Variants in ANKRD36C observed in about 807,000 individuals in gnomAD.
ANKRD36C encodes the protein ankyrin repeat domain-containing protein 36C.
Under a neutral mutation model 276.4 loss-of-function variants are expected in ANKRD36C, and 61 were observed. The observed-to-expected ratio is 0.22, with a 90% confidence interval of 0.18 to 0.27. ANKRD36C has a LOEUF of 0.27. Among genes scored for constraint, ANKRD36C ranks in the 10% least tolerant of loss-of-function variants. The pLI is 1.00. For synonymous variants in ANKRD36C, 483 were observed against 680.1 expected (o/e 0.71, Z 4.51); for missense variants, 1,447 against 2,032.3 (o/e 0.71, Z 5.54).
intron 26 of ANKRD36C, 87 bp downstream of exon 26, chr2:95,928,985 G>A (rs1676772536): frequency 6.3e-7 from 1 of 1,579,708 alleles, no homozygotes; most frequent in African/African-American, 1.4e-5. Context: ...ATGCAGCTTA[G>A]ACGAACTCCC....
intron 42 of ANKRD36C, among the ~76,000 whole-genome samples, chr2:95,907,971 A>C (rs961027464): frequency 6.7e-6 from 1 of 150,152 alleles, no homozygotes; most frequent in Non-Finnish European, 1.5e-5. Flanking sequence ...AAGTGAGTTC[A>C]CTCAGGTTTT....
chr2:95,991,496 T>C lies in ANKRD36C; in HGVS notation c.197+16A>G. On this transcript the variant is annotated intron_variant, in intron 1 of 66. Coordinates refer to ENST00000456556, the Ensembl canonical transcript of ANKRD36C. ...ACAGGCCTCCTCCCGCAGCCCCGGCTCCCGGCCCCCATTACCTTTCCTTCC... is the reference window on the plus strand; with the variant it reads ...ACAGGCCTCCTCCCGCAGCCCCGGCCCCCGGCCCCCATTACCTTTCCTTCC... The C allele has an allele frequency of 6.4e-7, 1 of 1,572,638 alleles. No homozygotes were observed. The highest frequency in any genetic ancestry group is 8.6e-7 in the Non-Finnish European group (1 of 1,158,958).
chr2:95,962,730 G>A (rs961237669), intron 6 of ANKRD36C, among the ~76,000 whole-genome samples, 183 bp from the exon 7 acceptor site: 7 of 152,102 alleles, frequency 4.6e-5, no homozygotes, highest in Admixed American at 2.6e-4. Flanking sequence ...CACCAATACA[G>A]GCTTCATGAA....
At chr2:95,922,166 C>G (rs1677290425) in intron 32 of ANKRD36C, among the ~76,000 whole-genome samples, 1 of 151,584 alleles carries the variant, frequency 6.6e-6, no homozygotes, top group South Asian at 2.1e-4. Context: ...GGCACATGCA[C>G]CCACTTGTCT....
intron 1 of ANKRD36C, among the ~76,000 whole-genome samples, chr2:95,990,902 C>T (rs546159585): frequency 2.6e-5 from 4 of 152,098 alleles, no homozygotes; most frequent in Non-Finnish European, 5.9e-5. Flanking sequence ...AAAAATAAAA[C>T]GCTGTACATG....
intron 59 of ANKRD36C, among the ~76,000 whole-genome samples, chr2:95,875,733 A>G (rs1675935801): frequency 6.6e-6 from 1 of 152,232 alleles, no homozygotes. Context: ...TGCAAATTAA[A>G]CATTGTAATA....
chr2:95,974,969 C>A (rs1678776466), intron 6 of ANKRD36C, among the ~76,000 whole-genome samples: 1 of 151,956 alleles, frequency 6.6e-6, no homozygotes, highest in African/African-American at 2.4e-5. Flanking sequence ...CATGTCCCTA[C>A]AAAGGACATA....
chr2:95,908,046 T>C lies in ANKRD36C; in HGVS notation c.2653+4198A>G, dbSNP rs868668455. 5.2e-4 allele frequency among the ~76,000 whole-genome samples: 78 copies of C among 150,728 alleles called. 1 individual carries two copies. The highest frequency in any genetic ancestry group is 3.4e-3 in the Middle Eastern group (1 of 294). On this transcript the variant is annotated intron_variant, in intron 42 of 66. Transcript: ENST00000456556. The stretch of plus-strand genomic sequence containing the variant: ...TTTCACACCTTCCTGCCTCACAATC[T>C]GTCTTCCTTAGGAAAATAGTTGCTA...
intron 42 of ANKRD36C, 27 bp from the exon 46 acceptor site, chr2:95,910,472 A>C (rs774858601): frequency 3.8e-6 from 6 of 1,592,204 alleles, no homozygotes; most frequent in Non-Finnish European, 5.1e-6. Flanking sequence ...ACGAAATAAT[A>C]AATAAATAAA....
intron 56 of ANKRD36C, among the ~76,000 whole-genome samples, chr2:95,881,538 C>T (rs1172187699): frequency 6.6e-6 from 1 of 150,902 alleles, no homozygotes; most frequent in Non-Finnish European, 1.5e-5. Flanking sequence ...AGACAGCCAG[C>T]ACTTTGGAAA....
chr2:95,878,229 A>G (rs1445881182), intron 58 of ANKRD36C, among the ~76,000 whole-genome samples: 2 of 151,802 alleles, frequency 1.3e-5, no homozygotes, highest in Non-Finnish European at 2.9e-5. Flanking sequence ...TATGTAAATA[A>G]TTGTCAAAAA....
intron 44 of ANKRD36C, among the ~76,000 whole-genome samples, chr2:95,896,714 T>C (rs1362083398): frequency 1.4e-5 from 2 of 144,552 alleles, no homozygotes; most frequent in Non-Finnish European, 1.5e-5. Context: ...TATGAAAATA[T>C]TCCAAATGCA....
rs1168028204 is a variant in ANKRD36C, at chr2:95,920,153, G to A, written c.2245+1454C>T. ...TCAAACATGGTATGATTCATCATAC[G>A]TCAAAAACTAAAATAAAACCGTGTC... On this transcript the variant is annotated intron_variant, in intron 34 of 66. Transcript: ENST00000456556. 6.1e-5 allele frequency among the ~76,000 whole-genome samples: 8 copies of A among 131,706 alleles called. 1 individual carries two copies. Among genetic ancestry groups the A allele is most frequent in the African/African-American group, 1.3e-4 (5 of 37,738 alleles). 86.4% of individuals were successfully genotyped at this position (131,706 alleles called of 152,430 possible).
intron 60 of ANKRD36C, among the ~76,000 whole-genome samples, chr2:95,864,864 T>C (rs1028502332): frequency 1.2e-4 from 19 of 152,152 alleles, no homozygotes; most frequent in East Asian, 7.7e-4. Flanking sequence ...CAACCTTTGG[T>C]CTATGAAGAA....
rs557293283 is a variant in ANKRD36C, at chr2:95,902,978, C to A, written c.2654-3642G>T. The A allele has an allele frequency of 8.7e-5, 138 of 1,579,468 alleles. 2 individuals are homozygous for A. In the East Asian group the frequency reaches 9.4e-4, roughly 11 times the overall value. ...TGTAGCCTGAATGGAATTTGAAATGCAATAATAAATTAATAAAGTATGCTT... is the reference window on the plus strand; with the variant it reads ...TGTAGCCTGAATGGAATTTGAAATGAAATAATAAATTAATAAAGTATGCTT... On this transcript the variant is annotated intron_variant, in intron 42 of 66. Transcript: ENST00000456556.
chr2:95,874,664 C>A (rs1293489350), intron 59 of ANKRD36C, among the ~76,000 whole-genome samples: 1 of 152,232 alleles, frequency 6.6e-6, no homozygotes, highest in African/African-American at 2.4e-5. Context: ...GCAACAAAAG[C>A]CAAAATTGAC....
intron 16 of ANKRD36C, 78 bp downstream of exon 16, chr2:95,950,671 A>T: frequency 6.8e-7 from 1 of 1,479,552 alleles, no homozygotes; most frequent in South Asian, 1.2e-5. Flanking sequence ...ACAGAGTAGA[A>T]CACTAAACAG....
chr2:95,980,064 C>G (rs1399055417), intron 5 of ANKRD36C, among the ~76,000 whole-genome samples: 2 of 152,040 alleles, frequency 1.3e-5, no homozygotes, highest in African/African-American at 2.4e-5. Flanking sequence ...ATCCTGGTGG[C>G]AAAGGTTAAT....
chr2:95,937,453 C>A (rs796758897), intron 22 of ANKRD36C, among the ~76,000 whole-genome samples: 621 of 127,756 alleles, frequency 4.9e-3, no homozygotes, highest in African/African-American at 0.02. Context: ...ATTTTCATTT[C>A]TACCAAAAAT....
Sources: allele counts gnomAD v4.1 joint callset (sites outside exome capture counted in the v4.1 genomes callset), GRCh38; gene constraint gnomAD v4.1.1; transcripts MANE v1.5; gene names NCBI Gene and HGNC (gene_info 2026-07-23, HGNC 2026-07-21).